Variants in ADAMTSL1 observed in about 807,000 individuals in gnomAD.
ADAMTSL1 encodes ADAMTS-like protein 1.
In ADAMTSL1, 126 loss-of-function variants were observed where a neutral mutation model predicts 201.8. That is an observed-to-expected ratio of 0.62 (90% CI 0.54 to 0.72). The LOEUF (loss-of-function observed/expected upper bound fraction) is 0.72, where lower values mean the gene tolerates loss of function less well. Ranked by LOEUF, ADAMTSL1 falls within the 30% of genes least tolerant of loss-of-function variation. The pLI, the probability that ADAMTSL1 is intolerant of heterozygous loss-of-function variation, is 0.00. For synonymous variants in ADAMTSL1, 1,121 were observed against 903.4 expected, an observed-to-expected ratio of 1.24 and a Z score of -4.32; for missense variants, 2,679 against 2,277.8, an observed-to-expected ratio of 1.18 and a Z score of -3.59.
intron 1 of ADAMTSL1, among the ~76,000 whole-genome samples, chr9:18,028,302 C>G (rs1349797458): frequency 6.6e-6 from 1 of 152,090 alleles, no homozygotes; most frequent in African/African-American, 2.4e-5. Flanking sequence ...TCCTTTGTTT[C>G]TATCTTTAGA....
chr9:18,533,353 C>T, intron 3 of ADAMTSL1, 61 bp downstream of exon 3: 2 of 1,427,684 alleles, frequency 1.4e-6, no homozygotes, highest in Non-Finnish European at 1.9e-6. Context: ...TGGTGCTAAG[C>T]AGTTTTATAT....
At chr9:18,412,523 G>A (rs1217442595) in intron 2 of ADAMTSL1, among the ~76,000 whole-genome samples, 13 of 152,146 alleles carry the variant, frequency 8.5e-5, no homozygotes, top group Non-Finnish European at 1.9e-4. Flanking sequence ...ACACAGGAAA[G>A]ATAGGATAAA....
chr9:18,700,364 G>A (rs556277314), intron 13 of ADAMTSL1, among the ~76,000 whole-genome samples: 6 of 152,016 alleles, frequency 3.9e-5, no homozygotes, highest in Non-Finnish European at 7.4e-5. Context: ...TTTTACACGA[G>A]ATCTTCTCAT....
intron 2 of ADAMTSL1, among the ~76,000 whole-genome samples, chr9:18,345,728 A>G (rs890596089): frequency 6.6e-6 from 1 of 152,142 alleles, no homozygotes; most frequent in Non-Finnish European, 1.5e-5. Flanking sequence ...GGGAAAGGGA[A>G]TGAACATGCA....
intron 2 of ADAMTSL1, among the ~76,000 whole-genome samples, chr9:18,277,326 A>T (rs1386020650): frequency 6.6e-6 from 1 of 152,184 alleles, no homozygotes; most frequent in Non-Finnish European, 1.5e-5. Flanking sequence ...TCTATCCATT[A>T]TTTAACATGC....
intron 2 of ADAMTSL1, among the ~76,000 whole-genome samples, chr9:18,431,217 G>T (rs571554599): frequency 6.6e-6 from 1 of 152,270 alleles, no homozygotes; most frequent in East Asian, 1.9e-4. Flanking sequence ...ATGCCCCAGA[G>T]GTGTTTTTAC....
intron 20 of ADAMTSL1, among the ~76,000 whole-genome samples, chr9:18,815,248 T>C (rs1823761848): frequency 6.6e-6 from 1 of 152,130 alleles, no homozygotes; most frequent in South Asian, 2.1e-4. Context: ...CAAAGTGATA[T>C]CTGCACTCCA....
chr9:18,890,213 T>C (rs1428668980), intron 25 of ADAMTSL1, among the ~76,000 whole-genome samples: 1 of 152,250 alleles, frequency 6.6e-6, no homozygotes, highest in African/African-American at 2.4e-5. Flanking sequence ...TGGGGAAATC[T>C]TATCTTCCTC....
intron 2 of ADAMTSL1, among the ~76,000 whole-genome samples, chr9:18,368,088 T>C: frequency 6.6e-6 from 1 of 151,802 alleles, no homozygotes; most frequent in African/African-American, 2.4e-5. Flanking sequence ...TTAATTTTTT[T>C]TTATTTTTAA....
chr9:18,865,347 A>G (rs1290499481), intron 23 of ADAMTSL1, among the ~76,000 whole-genome samples: 1 of 152,154 alleles, frequency 6.6e-6, no homozygotes, highest in Non-Finnish European at 1.5e-5. Flanking sequence ...AGCTTCATCC[A>G]TGTCCCTACA....
At chr9:18,271,952 C>T (rs1832387373) in intron 2 of ADAMTSL1, among the ~76,000 whole-genome samples, 1 of 151,430 alleles carries the variant, frequency 6.6e-6, no homozygotes, top group Non-Finnish European at 1.5e-5. Context: ...TTTCATGTGT[C>T]TGTTGGCTGC....
At chr9:18,131,744 G>C (rs1437253681) in intron 1 of ADAMTSL1, among the ~76,000 whole-genome samples, 1 of 152,080 alleles carries the variant, frequency 6.6e-6, no homozygotes, top group Admixed American at 6.6e-5. Context: ...TCTAGGTGAT[G>C]ACTCCCGAAT....
intron 6 of ADAMTSL1, among the ~76,000 whole-genome samples, chr9:18,636,469 C>T (rs1309982727): frequency 6.6e-6 from 1 of 152,128 alleles, no homozygotes; most frequent in Non-Finnish European, 1.5e-5. Flanking sequence ...CACCAAACAA[C>T]CTTAACACTG....
intron 2 of ADAMTSL1, among the ~76,000 whole-genome samples, chr9:18,391,430 A>C (rs1838040019): frequency 1.3e-5 from 2 of 152,118 alleles, no homozygotes; most frequent in Admixed American, 1.3e-4. Flanking sequence ...GATGTTACAT[A>C]GTTTAGTTGG....
At chr9:18,748,995 C>T (rs191356351) in intron 15 of ADAMTSL1, among the ~76,000 whole-genome samples, 12 of 152,286 alleles carry the variant, frequency 7.9e-5, no homozygotes, top group Admixed American at 2.0e-4. Flanking sequence ...GTAGATGCAT[C>T]GCTCCAGTCT....
intron 1 of ADAMTSL1, among the ~76,000 whole-genome samples, chr9:18,482,156 A>G (rs1563986873): frequency 6.6e-6 from 1 of 152,240 alleles, no homozygotes; most frequent in Non-Finnish European, 1.5e-5. Flanking sequence ...AAAGTAGGAT[A>G]GTTGAAAGAA....
intron 1 of ADAMTSL1, among the ~76,000 whole-genome samples, chr9:18,048,005 A>G (rs1284469475): frequency 1.3e-5 from 2 of 152,312 alleles, no homozygotes; most frequent in African/African-American, 4.8e-5. Flanking sequence ...AGAAGAACAA[A>G]GTGTTGAACA....
chr9:17,981,960 A>G (rs1208918031), intron 1 of ADAMTSL1, among the ~76,000 whole-genome samples: 1 of 152,194 alleles, frequency 6.6e-6, no homozygotes, highest in African/African-American at 2.4e-5. Flanking sequence ...CAAGCAACAA[A>G]ATCTCAAGTG....
intron 5 of ADAMTSL1, among the ~76,000 whole-genome samples, chr9:18,630,786 G>T (rs1282693228): frequency 1.3e-5 from 2 of 152,124 alleles, no homozygotes; most frequent in Non-Finnish European, 2.9e-5. Context: ...AAGTCTTGGT[G>T]CTGGGCTTTC....
Sources: allele counts gnomAD v4.1 joint callset (sites outside exome capture counted in the v4.1 genomes callset), GRCh38; gene constraint gnomAD v4.1.1; transcripts MANE v1.5; gene names NCBI Gene and HGNC (gene_info 2026-07-23, HGNC 2026-07-21).